CDHR3: variants seen among roughly 807,000 people sequenced by gnomAD.
The protein encoded by CDHR3 is cadherin related family member 3.
Under a neutral mutation model 86.6 loss-of-function variants are expected in CDHR3, and 79 were observed. That is an observed-to-expected ratio of 0.91 (90% CI 0.76 to 1.10). The LOEUF (loss-of-function observed/expected upper bound fraction) is 1.10. Ranked by LOEUF, CDHR3 falls within the 50% of genes least tolerant of loss-of-function variation. CDHR3 has a pLI of 0.00. For synonymous variants in CDHR3, 421 were observed against 402.4 expected (o/e 1.05, Z -0.55); for missense variants, 1,081 against 1,077.6 (o/e 1.00, Z -0.04).
At chr7:106,028,362 T>C in intron 16 of CDHR3, 189 bp from the exon 17 acceptor site, 2 of 682,540 alleles carry the variant, frequency 2.9e-6, no homozygotes, top group Non-Finnish European at 5.4e-6. Flanking sequence ...TGTATACATA[T>C]GTGTACGTAT....
At chr7:106,001,092 AC>A (rs1470107568) in intron 6 of CDHR3, among the ~76,000 whole-genome samples, 6 of 152,234 alleles carry the variant, frequency 3.9e-5, no homozygotes, top group South Asian at 2.1e-4. Flanking sequence ...GAATCCAGGG[AC>A]ATCTGCACAA....
At chr7:105,984,945 G>A (rs960867431) in intron 4 of CDHR3, among the ~76,000 whole-genome samples, 4 of 151,938 alleles carry the variant, frequency 2.6e-5, no homozygotes, top group Non-Finnish European at 4.4e-5. Context: ...TGTAATTCCA[G>A]CTACTCGGGA....
At position 106,030,710 on chromosome 7, in the gene CDHR3, A is replaced by T. The variant is rs1268258208; in HGVS notation, c.2305-82A>T. 5 of 1,352,144 alleles carry T rather than the reference A, an allele frequency of 3.7e-6. No individual in the cohort carries two copies. Among genetic ancestry groups the T allele is most frequent in the Non-Finnish European group, 4.2e-6 (4 of 962,336 alleles). The allele number at this position is 1,352,144 out of a possible 1,614,324, so 83.8% of individuals were successfully genotyped here. A position where few individuals can be genotyped will look rare whatever the true frequency, so the allele number is the denominator to read the frequency against. On this transcript the variant is annotated intron_variant, in intron 17 of 18. Coordinates refer to ENST00000317716, the MANE Select transcript of CDHR3 (RefSeq NM_152750.5). The surrounding 1 kb of genome is among the most constrained non-coding windows in gnomAD (Gnocchi z 4.8). The stretch of plus-strand genomic sequence containing the variant: ...AAGTCAAGAAGGCTTTGGTTAAGGA[A>T]CTTGGGTTGTGAGGATGTGTAGCTT...
intron 8 of CDHR3, among the ~76,000 whole-genome samples, chr7:106,010,702 G>A (rs1271818106): frequency 1.3e-5 from 2 of 152,242 alleles, no homozygotes; most frequent in East Asian, 3.8e-4. Context: ...AGAGAGAAGT[G>A]TATGCTCCAA....
At chr7:105,990,578 A>G (rs1831203697) in intron 4 of CDHR3, among the ~76,000 whole-genome samples, 1 of 152,186 alleles carries the variant, frequency 6.6e-6, no homozygotes, top group Non-Finnish European at 1.5e-5. Flanking sequence ...GTTTGGGGCC[A>G]TGTACTCAGT....
At position 105,974,955 on chromosome 7, in the gene CDHR3, C is replaced by G; in HGVS notation, c.158C>G (p.Ser53Ter). 1 of 1,613,670 alleles carries G rather than the reference C, an allele frequency of 6.2e-7. No individual in the cohort carries two copies. Among genetic ancestry groups the G allele is most frequent in the Non-Finnish European group, 8.5e-7 (1 of 1,179,558 alleles). Residue 53 changes from serine to a stop codon, truncating the protein, a stop_gained, in exon 2 of 19, where the codon TCA (serine) becomes TGA (stop). Transcript: ENST00000317716. LOFTEE classifies it high-confidence loss of function. ...KFSVKLSASL[S>*]PVIPGFPQIV... ...TCTGTGAAGTTATCAGCATCATTGTCACCTGTGATCCCAGGATTTCCCCAG... is the reference window on the plus strand; with the variant it reads ...TCTGTGAAGTTATCAGCATCATTGTGACCTGTGATCCCAGGATTTCCCCAG...
intron 1 of CDHR3, among the ~76,000 whole-genome samples, chr7:105,971,929 G>T (rs574483589): frequency 6.6e-6 from 1 of 152,288 alleles, no homozygotes; most frequent in African/African-American, 2.4e-5. Context: ...AGCCCCCACA[G>T]CCATGTTGTT....
intron 8 of CDHR3, among the ~76,000 whole-genome samples, chr7:106,012,218 TAAATAAGAG>T (rs1834913999): frequency 6.6e-6 from 1 of 151,960 alleles, no homozygotes; most frequent in African/African-American, 2.4e-5. Context: ...ATAAGCAGAA[TAAATAAGAG>T]AAATATATGG....
At position 106,032,659 on chromosome 7, in the gene CDHR3, A is replaced by G. The variant is rs1461477887; in HGVS notation, c.2620A>G (p.Met874Val). Residue 874 changes from methionine (M) to valine (V), a missense_variant, in exon 19 of 19, where the codon ATG becomes GTG. Physicochemically the swap from Met to Val is conservative, Grantham distance 21. Transcript: ENST00000317716. Reference protein sequence around the residue: ...GNPKNRNPAFMNRAYPKPHPG... With the variant: ...GNPKNRNPAFVNRAYPKPHPG... The stretch of plus-strand genomic sequence containing the variant: ...CCCAAAGAACAGAAATCCAGCCTTC[A>G]TGAACAGGGCTTACCCCAAACCACA... 1.1e-5 allele frequency: 17 copies of G among 1,613,674 alleles called. No individual in the cohort carries two copies. The highest frequency in any genetic ancestry group is 1.7e-5 in the Admixed American group (1 of 59,994).
In CDHR3 at chr7:106,030,535, A is replaced by G. The variant is rs1838174308; in HGVS notation, c.2305-257A>G. ...TCCCCTCTACCCCTACCTGTGCCCC[A>G]TAACACCCTATATCTCCCCATCATA... On this transcript the variant is annotated intron_variant, in intron 17 of 18. Transcript: ENST00000317716. This position sits in a 1 kb window ranked among gnomAD's most constrained non-coding sequence, Gnocchi z 4.8. 6.6e-6 allele frequency among the ~76,000 whole-genome samples: 1 copy of G among 152,190 alleles called. No homozygotes were observed. The highest frequency in any genetic ancestry group is 6.5e-5 in the Admixed American group (1 of 15,284).
chr7:105,968,731 A>T (rs781534032), intron 1 of CDHR3, among the ~76,000 whole-genome samples: 15 of 152,024 alleles, frequency 9.9e-5, no homozygotes, highest in African/African-American at 2.7e-4. Flanking sequence ...ATTAGCCTGA[A>T]TTTTTCTGCT....
In CDHR3 at chr7:105,996,253, C is replaced by T. The variant is rs566350612; in HGVS notation, c.612C>T (p.Phe204=). The change falls in exon 6 of 19, where the codon TTC becomes TTT. Residue 204 remains phenylalanine, a synonymous_variant. Transcript: ENST00000317716. ...ELDFEAGHRS[F]HLIVEVRDSG... The stretch of plus-strand genomic sequence containing the variant: ...ACGTGGAATGTTTCCCTGGCAGTTT[C>T]CATCTCATCGTGGAGGTGAGGGACA... 1.3e-6 allele frequency: 2 copies of T among 1,563,262 alleles called. No individual in the cohort carries two copies. Among genetic ancestry groups the T allele is most frequent in the Non-Finnish European group, 1.8e-6 (2 of 1,136,398 alleles).
chr7:106,001,841 T>C (rs566266420), intron 7 of CDHR3, among the ~76,000 whole-genome samples: 52 of 152,290 alleles, frequency 3.4e-4, no homozygotes, highest in African/African-American at 1.2e-3. Context: ...TAATACCAAA[T>C]GCTATGTAGA....
chr7:106,015,329 T>A (rs1160601019), intron 10 of CDHR3, 116 bp downstream of exon 10: 2 of 824,068 alleles, frequency 2.4e-6, no homozygotes, highest in African/African-American at 1.7e-5. Context: ...ACTGCCCTCA[T>A]GCGGGGACCC....
intron 4 of CDHR3, among the ~76,000 whole-genome samples, chr7:105,985,127 G>A (rs950832577): frequency 3.3e-5 from 5 of 151,950 alleles, no homozygotes; most frequent in African/African-American, 9.7e-5. Flanking sequence ...TGGGTCCTGG[G>A]AATTGCCTCA....
intron 6 of CDHR3, among the ~76,000 whole-genome samples, chr7:106,001,194 G>A (rs1400783319): frequency 6.6e-6 from 1 of 152,186 alleles, no homozygotes; most frequent in African/African-American, 2.4e-5. Context: ...AATGACATCA[G>A]GCAGAGGTGC....
At chr7:105,988,620 A>G (rs1830866318) in intron 4 of CDHR3, among the ~76,000 whole-genome samples, 1 of 152,338 alleles carries the variant, frequency 6.6e-6, no homozygotes, top group South Asian at 2.1e-4. Context: ...AAAAACAGGT[A>G]CTAATCTGGA....
intron 1 of CDHR3, among the ~76,000 whole-genome samples, chr7:105,972,455 A>G (rs35033853): frequency 0.27 from 41,234 of 152,024 alleles, 6,170 homozygotes; most frequent in East Asian, 0.67. Flanking sequence ...GAATGTGGGC[A>G]TCCCATGAGA....
intron 6 of CDHR3, among the ~76,000 whole-genome samples, chr7:105,997,936 G>T (rs1307770113): frequency 6.6e-6 from 1 of 151,366 alleles, no homozygotes; most frequent in Non-Finnish European, 1.5e-5. Context: ...TGATCTGTGT[G>T]ACGGTCTTTT....
Sources: gnomAD v4.1 joint callset for allele counts (sites outside exome capture counted in the v4.1 genomes callset) on GRCh38, gnomAD v4.1.1 for gene constraint, Gnocchi (gnomAD v3.1) non-coding constraint, MANE v1.5 for transcripts, NCBI Gene and HGNC (gene_info 2026-07-23, HGNC 2026-07-21) for gene names.